MACROD2: variants seen among roughly 807,000 people sequenced by gnomAD.
The protein encoded by MACROD2 is ADP-ribose glycohydrolase MACROD2.
In MACROD2, 36 loss-of-function variants were observed where a neutral mutation model predicts 70.4. The ratio of observed to expected loss-of-function variants is 0.51; its 90% confidence interval spans 0.39 to 0.68. The LOEUF is 0.68. Ranked by LOEUF, MACROD2 falls within the 30% of genes least tolerant of loss-of-function variation. MACROD2 has a pLI of 0.00. For missense variants in MACROD2, 496 were observed against 538.4 expected, an observed-to-expected ratio of 0.92 and a Z score of 0.78; for synonymous variants, 172 against 178.8, an observed-to-expected ratio of 0.96 and a Z score of 0.30.
intron 3 of MACROD2, among the ~76,000 whole-genome samples, chr20:14,205,719 T>C (rs556103134): frequency 1.3e-5 from 2 of 152,188 alleles, no homozygotes; most frequent in African/African-American, 4.8e-5. Flanking sequence ...GCCTCCTGTC[T>C]CTGTCACTAC....
chr20:14,834,421 A>G (rs1275628622), intron 5 of MACROD2, among the ~76,000 whole-genome samples: 1 of 152,020 alleles, frequency 6.6e-6, no homozygotes, highest in Non-Finnish European at 1.5e-5. Context: ...TGTAAAATAT[A>G]TTTGATGACT....
chr20:15,781,135 A>G (rs1376562931), intron 8 of MACROD2, among the ~76,000 whole-genome samples: 1 of 152,148 alleles, frequency 6.6e-6, no homozygotes, highest in Admixed American at 6.6e-5. Flanking sequence ...TCCCAATAAA[A>G]CTCTATAGGA....
intron 4 of MACROD2, among the ~76,000 whole-genome samples, chr20:14,646,825 A>G (rs981436624): frequency 6.6e-6 from 1 of 152,118 alleles, no homozygotes; most frequent in African/African-American, 2.4e-5. Flanking sequence ...AAGGTACTGT[A>G]TAATTGTATT....
chr20:14,935,237 C>A (rs1206187212), intron 5 of MACROD2: 1 of 152,038 alleles, frequency 6.6e-6, no homozygotes. Flanking sequence ...TTCTTCAATA[C>A]CTTAGAAAGA....
intron 2 of MACROD2, among the ~76,000 whole-genome samples, chr20:14,057,004 A>G (rs1423325816): frequency 6.6e-6 from 1 of 152,098 alleles, no homozygotes; most frequent in East Asian, 1.9e-4. Context: ...TTCTTCATCA[A>G]TTAAAAATAT....
intron 6 of MACROD2, among the ~76,000 whole-genome samples, chr20:15,340,774 CT>C (rs11477008): frequency 0.18 from 26,368 of 146,818 alleles, 2,541 homozygotes; most frequent in Non-Finnish European, 0.23. Flanking sequence ...CAAACACACA[CT>C]TTTTTTTTTT....
At chr20:14,555,206 C>T (rs967555613) in intron 4 of MACROD2, among the ~76,000 whole-genome samples, 5 of 151,918 alleles carry the variant, frequency 3.3e-5, no homozygotes, top group African/African-American at 4.8e-5. Context: ...TGCATATGCC[C>T]GTATCAAAAC....
At chr20:14,248,810 A>G (rs986623247) in intron 3 of MACROD2, among the ~76,000 whole-genome samples, 21 of 152,076 alleles carry the variant, frequency 1.4e-4, no homozygotes, top group African/African-American at 4.6e-4. Flanking sequence ...CCATATTGGC[A>G]TATAATTTTT....
chr20:14,951,599 C>T (rs143279177), intron 5 of MACROD2, among the ~76,000 whole-genome samples: 1,933 of 152,174 alleles, frequency 0.013, 21 homozygotes, highest in Non-Finnish European at 0.021. Flanking sequence ...TGTAGGACTC[C>T]GAGGGCATCA....
intron 3 of MACROD2, among the ~76,000 whole-genome samples, chr20:14,486,923 T>C (rs2084742638): frequency 6.9e-6 from 1 of 145,910 alleles, no homozygotes; most frequent in Non-Finnish European, 1.5e-5. Flanking sequence ...TACATAATTA[T>C]TTTTTAATTG....
At chr20:14,138,093 G>C (rs2054823483) in intron 3 of MACROD2, among the ~76,000 whole-genome samples, 1 of 152,194 alleles carries the variant, frequency 6.6e-6, no homozygotes, top group Admixed American at 6.5e-5. Flanking sequence ...ATAAAGAAGA[G>C]ACAAAAGAAA....
At chr20:15,420,043 C>T (rs905396568) in intron 6 of MACROD2, among the ~76,000 whole-genome samples, 2 of 152,126 alleles carry the variant, frequency 1.3e-5, no homozygotes, top group African/African-American at 4.8e-5. Context: ...TCTCTTGGGT[C>T]CAGCAGGTTT....
intron 5 of MACROD2, among the ~76,000 whole-genome samples, chr20:15,078,703 ACTTT>A (rs975661402): frequency 8.1e-5 from 10 of 123,434 alleles, no homozygotes; most frequent in African/African-American, 1.6e-4. Flanking sequence ...CTCTTCCTTC[ACTTT>A]CTTTTTTTTT....
At chr20:15,475,976 C>G (rs2047017196) in intron 7 of MACROD2, among the ~76,000 whole-genome samples, 1 of 152,182 alleles carries the variant, frequency 6.6e-6, no homozygotes, top group Admixed American at 6.5e-5. Context: ...AAAAAAGGAA[C>G]CATAGGCGAA....
chr20:14,981,146 C>A (rs748993228), intron 5 of MACROD2, among the ~76,000 whole-genome samples: 1 of 151,740 alleles, frequency 6.6e-6, no homozygotes, highest in Non-Finnish European at 1.5e-5. Context: ...AACAAGGATC[C>A]CCATCATCGC....
At chr20:15,268,186 G>T (rs6074865) in intron 6 of MACROD2, among the ~76,000 whole-genome samples, 28,406 of 152,100 alleles carry the variant, frequency 0.19, 2,991 homozygotes, top group Non-Finnish European at 0.24. Context: ...TTTCTTTTGA[G>T]TTGATTTGCT....
chr20:15,965,641 A>G (rs2066129700), intron 12 of MACROD2, among the ~76,000 whole-genome samples: 1 of 152,208 alleles, frequency 6.6e-6, no homozygotes, highest in Non-Finnish European at 1.5e-5. Context: ...TTCAAATTTA[A>G]AATTTAGCCT....
At chr20:15,475,303 A>G (rs1005973055) in intron 7 of MACROD2, among the ~76,000 whole-genome samples, 4 of 152,146 alleles carry the variant, frequency 2.6e-5, no homozygotes, top group African/African-American at 9.7e-5. Context: ...TCACCATCCC[A>G]CCACTACAAG....
intron 8 of MACROD2, among the ~76,000 whole-genome samples, chr20:15,543,423 C>A (rs1202815031): frequency 2.0e-5 from 3 of 152,044 alleles, no homozygotes; most frequent in Non-Finnish European, 4.4e-5. Flanking sequence ...TTTAATGGTG[C>A]CACACACAGG....
Sources: gnomAD v4.1 joint callset for allele counts (sites outside exome capture counted in the v4.1 genomes callset) on GRCh38, gnomAD v4.1.1 for gene constraint, MANE v1.5 for transcripts, NCBI Gene and HGNC (gene_info 2026-07-23, HGNC 2026-07-21) for gene names.